RPL26L1: variants seen among roughly 807,000 people sequenced by gnomAD.
The protein encoded by RPL26L1 is ribosomal protein uL24-like.
RPL26L1 carries 8 observed loss-of-function variants against 15.2 expected under a neutral mutation model. The observed-to-expected ratio is 0.53, with a 90% confidence interval of 0.31 to 0.95. The LOEUF is 0.95. Among genes scored for constraint, RPL26L1 ranks in the 40% least tolerant of loss-of-function variants. The probability of loss-of-function intolerance (pLI) is 0.05; values close to 1 mark genes in which losing one functional copy is unlikely to be tolerated. For missense variants in RPL26L1, 146 were observed against 190.9 expected (o/e 0.76, Z 1.39); for synonymous variants, 51 against 65.9 (o/e 0.77, Z 1.09).
At chr5:172,955,476 T>C (rs552133956), upstream of RPL26L1, 142 of 156,338 alleles carry the variant, frequency 9.1e-4, no homozygotes, top group African/African-American at 3.3e-3. Context: ...TTTAAATTCT[T>C]GCCGGAAACA....
At chr5:172,954,403 A>G (rs1227206660), upstream of RPL26L1, among the ~76,000 whole-genome samples, 1 of 150,736 alleles carries the variant, frequency 6.6e-6, no homozygotes, top group Non-Finnish European at 1.5e-5. Context: ...CCCCGTCTCT[A>G]TAGAAAAAAT....
upstream of RPL26L1, chr5:172,959,410 C>T: frequency 1.0e-6 from 1 of 1,004,572 alleles, no homozygotes; most frequent in African/African-American, 1.7e-5. Flanking sequence ...TGCGCTTGCG[C>T]GGCACGGAAA....
intron 3 of RPL26L1, 39 bp from the exon 4 acceptor site, chr5:172,969,374 G>A (rs774567168): frequency 3.7e-6 from 6 of 1,604,712 alleles, no homozygotes; most frequent in Non-Finnish European, 5.1e-6. Flanking sequence ...TAGCTGGTGG[G>A]GATGCAGAAA....
chr5:172,969,241 T>C (rs1161858160), intron 3 of RPL26L1, among the ~76,000 whole-genome samples, 172 bp from the exon 4 acceptor site: 1 of 152,216 alleles, frequency 6.6e-6, no homozygotes, highest in Admixed American at 6.5e-5. Flanking sequence ...TGGAACATGC[T>C]ATTTTTCCTT....
At chr5:172,957,612 T>A (rs1755017430), upstream of RPL26L1, 1 of 250,976 alleles carries the variant, frequency 4.0e-6, no homozygotes, top group African/African-American at 2.3e-5. Context: ...ACAGAACCAG[T>A]GAGTGAGTGA....
rs374663278 is a variant in RPL26L1 at position 172,969,501 on chromosome 5, G to A, written c.398G>A (p.Gly133Asp). 1.2e-5 allele frequency: 19 copies of A among 1,613,444 alleles called. No homozygotes were observed. Among genetic ancestry groups the A allele is most frequent in the African/African-American group, 2.7e-5 (2 of 74,908 alleles). ...TCTCGACAAGTTGGAAAAGAGAAAG[G>A]CAAATATAAAGAAGAACTTATTGAG... ...AKSRQVGKEK[G>D]KYKEELIEKM... Residue 133 changes from glycine to aspartate, a missense_variant, in exon 4 of 4, where the codon GGC becomes GAC. Transcript: ENST00000265100.
upstream of RPL26L1, among the ~76,000 whole-genome samples, chr5:172,954,413 T>A (rs151330708): frequency 0.012 from 1,362 of 116,444 alleles, 27 homozygotes; most frequent in African/African-American, 0.041. Context: ...ATAGAAAAAA[T>A]ACAAAAATTA....
chr5:172,958,211 C>A (rs1217786739), upstream of RPL26L1: 1 of 374,360 alleles, frequency 2.7e-6, no homozygotes, highest in African/African-American at 2.2e-5. Flanking sequence ...TTGCGGTGAG[C>A]CGAGATGGTG....
chr5:172,960,101 G>C, intron 2 of RPL26L1, 60 bp downstream of exon 2: 2 of 1,594,932 alleles, frequency 1.3e-6, no homozygotes, highest in South Asian at 1.1e-5. Flanking sequence ...CGTCATGCGT[G>C]GAGCAGTCAC....
At chr5:172,963,235 G>A (rs1337822431) in intron 2 of RPL26L1, among the ~76,000 whole-genome samples, 1 of 152,018 alleles carries the variant, frequency 6.6e-6, no homozygotes, top group African/African-American at 2.4e-5. Flanking sequence ...AAAATTAGGT[G>A]TGGTGGCACA....
chr5:172,959,277 C>A (rs1755119074), upstream of RPL26L1: 3 of 633,168 alleles, frequency 4.7e-6, no homozygotes, highest in Non-Finnish European at 6.0e-6. Flanking sequence ...CACAAGCAGG[C>A]CCTTGTACTC....
chr5:172,958,406 C>T (rs539703226), upstream of RPL26L1: 64 of 456,268 alleles, frequency 1.4e-4, no homozygotes, highest in East Asian at 3.6e-3. Flanking sequence ...AGACATCTTC[C>T]CTCTCTGAGT....
At chr5:172,961,833 C>T (rs1755243330) in intron 2 of RPL26L1, among the ~76,000 whole-genome samples, 1 of 152,196 alleles carries the variant, frequency 6.6e-6, no homozygotes, top group Non-Finnish European at 1.5e-5. Flanking sequence ...GTATATCTGA[C>T]TACCTATAAC....
At position 172,960,880 on chromosome 5, in the gene RPL26L1, A is replaced by G. The variant is rs1420548232; in HGVS notation, c.168+839A>G. Among the ~76,000 whole-genome samples the G allele has an allele frequency of 2.5e-5, 3 of 120,890 alleles. No individual in the cohort carries two copies. The East Asian group carries it at 8.3e-4, about 33-fold the overall frequency. 79.3% of individuals were successfully genotyped at this position (120,890 alleles called of 152,430 possible). A position where few individuals can be genotyped will look rare whatever the true frequency, so the allele number is the denominator to read the frequency against. On this transcript the variant is annotated intron_variant, in intron 2 of 3. Coordinates refer to ENST00000265100, the MANE Select transcript of RPL26L1 (RefSeq NM_016093.4). The stretch of plus-strand genomic sequence containing the variant: ...AGCAGGGTTTCCTAGCCTCAGCTCT[A>G]TTGATATGTTGGACTGGATAATTGT...
At chr5:172,957,531 G>A (rs1454073948), upstream of RPL26L1, 1 of 282,988 alleles carries the variant, frequency 3.5e-6, no homozygotes, top group Admixed American at 4.8e-5. Context: ...ATGAGCAAAT[G>A]AATGAATGTA....
chr5:172,966,313 AT>A (rs386405707), intron 2 of RPL26L1, among the ~76,000 whole-genome samples: 1,473 of 63,226 alleles, frequency 0.023, 3 homozygotes, highest in African/African-American at 0.052. Context: ...CTGGCTAACT[AT>A]TTTTTTTTTT....
chr5:172,954,599 G>A (rs1316419922), upstream of RPL26L1, among the ~76,000 whole-genome samples: 1 of 151,714 alleles, frequency 6.6e-6, no homozygotes, highest in African/African-American at 2.4e-5. Context: ...GAGAGAGGGA[G>A]GGAGGGAGAG....
At chr5:172,958,688 G>C (rs900846048), upstream of RPL26L1, 4 of 241,400 alleles carry the variant, frequency 1.7e-5, 1 homozygote, top group South Asian at 1.7e-4. Context: ...CTAGCCAGTG[G>C]TTGGGTGGCG....
Position 172,959,470 on chromosome 5 carries a change from T to G in RPL26L1, c.-10+2T>G. On this transcript the variant is annotated splice_donor_variant, in intron 1 of 3. Transcript: ENST00000265100. LOFTEE classifies it low-confidence loss of function (5UTR_SPLICE). ...GGGTCTGAGGCAGCTAGTAGCCGGG[T>G]GAGTGGAGGCTGGAGTTTTCTCGGA... The G allele has an allele frequency of 1.2e-5, 12 of 1,017,164 alleles. No individual in the cohort carries two copies. The highest frequency in any genetic ancestry group is 1.4e-5 in the Non-Finnish European group (12 of 846,042). The allele number at this position is 1,017,164 out of a possible 1,614,324, so 63.0% of individuals were successfully genotyped here.
Sources: allele counts gnomAD v4.1 joint callset (sites outside exome capture counted in the v4.1 genomes callset), GRCh38; gene constraint gnomAD v4.1.1; transcripts MANE v1.5; gene names NCBI Gene and HGNC (gene_info 2026-07-23, HGNC 2026-07-21).